The following AASDH variants were observed in gnomAD, a reference collection of about 807,000 sequenced individuals.
The protein encoded by AASDH is beta-alanine-activating enzyme.
AASDH carries 81 observed loss-of-function variants against 102.3 expected under a neutral mutation model. The ratio of observed to expected loss-of-function variants is 0.79; its 90% CI spans 0.66 to 0.95. The LOEUF (loss-of-function observed/expected upper bound fraction) is 0.95, where lower values mean the gene tolerates loss of function less well. Among genes scored for constraint, AASDH ranks in the 40% least tolerant of loss-of-function variants. The pLI, the probability that AASDH is intolerant of heterozygous loss-of-function variation, is 0.00. For missense variants in AASDH, 1,203 were observed against 1,266.2 expected (o/e 0.95, Z 0.76); for synonymous variants, 398 against 454.0 (o/e 0.88, Z 1.57).
At position 56,370,280 on chromosome 4, in the gene AASDH, C is replaced by T. The variant is rs372285706; in HGVS notation, c.861+1171G>A. Among the ~76,000 whole-genome samples, 345 of 151,730 alleles carry T rather than the reference C, an allele frequency of 2.3e-3. 1 individual carries two copies. The highest frequency in any genetic ancestry group is 8.0e-3 in the African/African-American group (331 of 41,384). On this transcript the variant is annotated intron_variant, in intron 5 of 14. Coordinates refer to ENST00000205214, the MANE Select transcript of AASDH (RefSeq NM_181806.4). ...CAGGAGACTGAGGCACAAGAATCGCCGGAACCCAGGAGGCAGAGTGAGCCA... is the reference window on the plus strand; with the variant it reads ...CAGGAGACTGAGGCACAAGAATCGCTGGAACCCAGGAGGCAGAGTGAGCCA...
At chr4:56,363,591 T>G (rs1479176440) in intron 5 of AASDH, among the ~76,000 whole-genome samples, 5 of 152,214 alleles carry the variant, frequency 3.3e-5, no homozygotes, top group Non-Finnish European at 7.3e-5. Context: ...CAGCCACCGC[T>G]GCTGATACCC....
Position 56,354,815 on chromosome 4 carries a change from T to G in AASDH, c.1104-4A>C. On this transcript the variant is annotated splice_polypyrimidine_tract_variant and splice_region_variant and intron_variant, in intron 6 of 14. Coordinates refer to ENST00000205214, the MANE Select transcript of AASDH (RefSeq NM_181806.4). ...CAGTTGTACAGGCAATTCACATCTA[T>G]GAAAATAAGATACAGAGCAGATTTA... 1 of 1,589,074 alleles carries G rather than the reference T, an allele frequency of 6.3e-7. No individual in the cohort carries two copies. Among genetic ancestry groups the G allele is most frequent in the South Asian group, 1.2e-5 (1 of 86,266 alleles).
intron 4 of AASDH, among the ~76,000 whole-genome samples, chr4:56,376,538 T>C (rs79288445): frequency 0.016 from 2,440 of 152,326 alleles, 77 homozygotes; most frequent in African/African-American, 0.055. Context: ...GACATCTTTC[T>C]CTACCAGCAT....
At chr4:56,347,040 T>TAA (rs200094597) in intron 11 of AASDH, among the ~76,000 whole-genome samples, 78 of 133,628 alleles carry the variant, frequency 5.8e-4, no homozygotes, top group Middle Eastern at 3.7e-3. Context: ...GACGCTGTCT[T>TAA]AAAAAAAAAA....
chr4:56,355,143 C>T, intron 6 of AASDH, 39 bp downstream of exon 6: 1 of 1,576,864 alleles, frequency 6.3e-7, no homozygotes, highest in Non-Finnish European at 8.6e-7. Flanking sequence ...TAGAAATATA[C>T]AGTCTCTCTT....
In AASDH at chr4:56,384,052, A is replaced by T. The variant is rs777811137; in HGVS notation, c.230+18T>A. 1 of 1,587,758 alleles carries T rather than the reference A, an allele frequency of 6.3e-7. No homozygotes were observed. Among genetic ancestry groups the T allele is most frequent in the African/African-American group, 1.3e-5 (1 of 74,226 alleles). ...TAGCTTGGAGTAACATCAAATTTACAGTTCTAAAAAATATTACCCTAAAAT... is the reference window on the plus strand; with the variant it reads ...TAGCTTGGAGTAACATCAAATTTACTGTTCTAAAAAATATTACCCTAAAAT... On this transcript the variant is annotated intron_variant, in intron 2 of 14. Transcript: ENST00000205214.
intron 14 of AASDH, among the ~76,000 whole-genome samples, chr4:56,339,703 A>T (rs188191415): frequency 3.2e-4 from 49 of 150,862 alleles, no homozygotes; most frequent in Middle Eastern, 6.9e-3. Flanking sequence ...GTGAGCCAAG[A>T]TCACACTACT....
At chr4:56,384,363 AG>A in intron 1 of AASDH, 22 bp from the exon 2 acceptor site, 1 of 1,454,330 alleles carries the variant, frequency 6.9e-7, no homozygotes, top group African/African-American at 1.4e-5. Context: ...CAGAAGTGTT[AG>A]GGGGAGAGGG....
At chr4:56,383,309 G>A (rs1329521192) in intron 2 of AASDH, among the ~76,000 whole-genome samples, 1 of 151,978 alleles carries the variant, frequency 6.6e-6, no homozygotes, top group Non-Finnish European at 1.5e-5. Flanking sequence ...ATAGAGATGG[G>A]GTCTTGTGAA....
intron 11 of AASDH, among the ~76,000 whole-genome samples, chr4:56,346,198 G>A (rs1048507252): frequency 6.6e-6 from 1 of 152,178 alleles, no homozygotes; most frequent in Non-Finnish European, 1.5e-5. Flanking sequence ...GCTATTTAGG[G>A]CAATTTCATT....
rs532986290 is a variant in AASDH at position 56,369,800 on chromosome 4, C to T, written c.861+1651G>A. 1.3e-4 allele frequency among the ~76,000 whole-genome samples: 19 copies of T among 151,886 alleles called. No individual in the cohort carries two copies. In the South Asian group the frequency reaches 3.1e-3, roughly 25 times the overall value. ...ATTAAAAATACAAAAATTAGCTGGG[C>T]GTGGTGGTACACGCCTGTAATCCCA... On this transcript the variant is annotated intron_variant, in intron 5 of 14. Transcript: ENST00000205214.
chr4:56,354,742 G>C lies in AASDH; in HGVS notation c.1173C>G (p.Gly391=). The change falls in exon 7 of 15, where the codon GGC becomes GGG. Residue 391 remains glycine, a synonymous_variant. Transcript: ENST00000205214. Reference sequence around the variant, plus strand: ...GGCCACTGCCTTCCTGAATTGTGAAGCCATTAGTATCTCTGACTTCAACTA... The same window carrying C: ...GGCCACTGCCTTCCTGAATTGTGAACCCATTAGTATCTCTGACTTCAACTA... ...GTVVEVRDTN[G]FTIQEGSGQV... is the part of the protein sequence containing the mutation. 1 of 1,609,310 alleles carries C rather than the reference G, an allele frequency of 6.2e-7. No individual in the cohort carries two copies. Among genetic ancestry groups the C allele is most frequent in the African/African-American group, 1.3e-5 (1 of 74,824 alleles).
At chr4:56,350,714 T>G (rs1469373874) in intron 10 of AASDH, among the ~76,000 whole-genome samples, 1 of 152,078 alleles carries the variant, frequency 6.6e-6, no homozygotes, top group Non-Finnish European at 1.5e-5. Context: ...GGGAATAATT[T>G]GTCTTTGGCT....
At chr4:56,350,843 C>T (rs1748914670) in intron 10 of AASDH, among the ~76,000 whole-genome samples, 1 of 152,104 alleles carries the variant, frequency 6.6e-6, no homozygotes, top group Admixed American at 6.5e-5. Context: ...TTTCAGAACC[C>T]TTTAAAAAAG....
intron 3 of AASDH, among the ~76,000 whole-genome samples, chr4:56,380,613 A>G (rs925655449): frequency 6.6e-6 from 1 of 152,182 alleles, no homozygotes; most frequent in Non-Finnish European, 1.5e-5. Context: ...TTATCACACT[A>G]TGTAGATGTT....
At chr4:56,375,338 T>G (rs1342571345) in intron 4 of AASDH, among the ~76,000 whole-genome samples, 2 of 152,294 alleles carry the variant, frequency 1.3e-5, no homozygotes, top group East Asian at 3.9e-4. Context: ...TGTCTGAAAT[T>G]TAATACTCCC....
Position 56,349,928 on chromosome 4 carries a change from G to A in AASDH, c.1823C>T (p.Pro608Leu), listed in dbSNP as rs772779965. Residue 608 changes from proline to leucine, a missense_variant, in exon 11 of 15, where the codon CCT (proline) becomes CTT (leucine). Pro to Leu is a moderately conservative substitution (Grantham distance 98). Transcript: ENST00000205214. ...GCTGAGAATAATTTCCAGAAGCCCA[G>A]GTACTGATGTACCAACAAGTTTTTC... ...EIEKLVGTSV[P>L]GLLEIILSSS... is the part of the protein sequence containing the mutation. The A allele has an allele frequency of 6.2e-7, 1 of 1,613,998 alleles. No individual in the cohort carries two copies. The highest frequency in any genetic ancestry group is 2.2e-5 in the East Asian group (1 of 44,866).
chr4:56,353,967 A>G, intron 8 of AASDH, 72 bp downstream of exon 8: 1 of 1,380,186 alleles, frequency 7.2e-7, no homozygotes, highest in East Asian at 2.6e-5. Context: ...AGACCCCAGC[A>G]CAGAAAATTG....
intron 4 of AASDH, among the ~76,000 whole-genome samples, chr4:56,376,929 T>C (rs1752405334): frequency 6.7e-6 from 1 of 149,532 alleles, no homozygotes; most frequent in Admixed American, 6.6e-5. Flanking sequence ...TAGCCGGGCG[T>C]AGTGGCGGGC....
Sources: allele counts gnomAD v4.1 joint callset (sites outside exome capture counted in the v4.1 genomes callset), GRCh38; gene constraint gnomAD v4.1.1; transcripts MANE v1.5; gene names NCBI Gene and HGNC (gene_info 2026-07-23, HGNC 2026-07-21).